Variants in ZNF148 observed in about 807,000 individuals in gnomAD.
ZNF148 encodes Beta-Enolase Repressor Factor-1.
Under a neutral mutation model 67.7 loss-of-function variants are expected in ZNF148, and 7 were observed. That is an observed-to-expected ratio of 0.10 (90% confidence interval 0.06 to 0.19). The LOEUF (loss-of-function observed/expected upper bound fraction) is 0.19, where lower values mean the gene tolerates loss of function less well. Among genes scored for constraint, ZNF148 ranks in the 10% least tolerant of loss-of-function variants. The pLI is 1.00. For synonymous variants in ZNF148, 333 were observed against 330.7 expected (o/e 1.01, Z -0.08); for missense variants, 583 against 947.1 (o/e 0.62, Z 5.05).
chr3:125,292,892 T>C (rs1232002363), intron 4 of ZNF148: 1 of 152,218 alleles, frequency 6.6e-6, no homozygotes, highest in East Asian at 1.9e-4. Context: ...TAAAATGTGA[T>C]ATCATCACAG....
chr3:125,242,656 A>G (rs1936420513), intron 7 of ZNF148, among the ~76,000 whole-genome samples: 1 of 152,182 alleles, frequency 6.6e-6, no homozygotes, highest in Non-Finnish European at 1.5e-5. Context: ...AAAAACAAAA[A>G]TGAAAAACAA....
chr3:125,360,872 T>G (rs192971167), intron 1 of ZNF148, among the ~76,000 whole-genome samples: 1 of 148,424 alleles, frequency 6.7e-6, no homozygotes, highest in East Asian at 2.0e-4. Context: ...TATACATATA[T>G]ATAGAAAAGA....
chr3:125,268,920 T>C (rs1403403561), intron 7 of ZNF148, among the ~76,000 whole-genome samples: 1 of 152,062 alleles, frequency 6.6e-6, no homozygotes. Flanking sequence ...ACCTACAGAA[T>C]GGGAGAAAAT....
chr3:125,255,096 C>T (rs992045770), intron 7 of ZNF148, among the ~76,000 whole-genome samples: 6 of 151,984 alleles, frequency 3.9e-5, no homozygotes, highest in Non-Finnish European at 8.8e-5. Context: ...TCCATTTACC[C>T]GCCTCACTAT....
At chr3:125,331,041 A>G (rs1941268728) in intron 2 of ZNF148, 117 bp downstream of exon 2, 2 of 396,396 alleles carry the variant, frequency 5.0e-6, no homozygotes, top group Admixed American at 8.8e-5. Flanking sequence ...ATATAAAAAG[A>G]AAAGGGATTG....
At chr3:125,303,853 G>A (rs1350637597) in intron 4 of ZNF148, among the ~76,000 whole-genome samples, 2 of 151,870 alleles carry the variant, frequency 1.3e-5, no homozygotes, top group African/African-American at 2.4e-5. Flanking sequence ...AACGGTTAGG[G>A]GTTGCTGCAT....
intron 4 of ZNF148, among the ~76,000 whole-genome samples, chr3:125,299,989 T>C (rs755419797): frequency 1.3e-5 from 2 of 152,252 alleles, no homozygotes; most frequent in Non-Finnish European, 2.9e-5. Flanking sequence ...TTGTTGTTTC[T>C]GAGGCAGGGT....
At chr3:125,341,910 G>A (rs1941737737) in intron 1 of ZNF148, among the ~76,000 whole-genome samples, 1 of 149,916 alleles carries the variant, frequency 6.7e-6, no homozygotes, top group African/African-American at 2.5e-5. Flanking sequence ...GTAGGGGAAT[G>A]ACTTGAGCCT....
At chr3:125,318,919 C>A (rs1370036318) in intron 3 of ZNF148, among the ~76,000 whole-genome samples, 1 of 152,088 alleles carries the variant, frequency 6.6e-6, no homozygotes. Context: ...CATCCCTCTG[C>A]GAGAGAAACT....
In ZNF148 at chr3:125,229,800, C is replaced by T. The variant is rs1270220673; in HGVS notation, c.*2541G>A. ...AATGCCCAGATAGAAATTAAATAAC[C>T]TTCTGAACCAAAGTGGGGAAATCCA... On this transcript the variant is annotated 3_prime_UTR_variant, in exon 9 of 9. Transcript: ENST00000360647. 2 of 152,176 alleles carry T rather than the reference C, an allele frequency of 1.3e-5. No individual in the cohort carries two copies. Among genetic ancestry groups the T allele is most frequent in the Non-Finnish European group, 2.9e-5 (2 of 68,020 alleles). The allele number at this position is 152,176 out of a possible 1,614,324, so 9.4% of individuals were successfully genotyped here. A position where few individuals can be genotyped will look rare whatever the true frequency, so the allele number is the denominator to read the frequency against.
intron 1 of ZNF148, among the ~76,000 whole-genome samples, chr3:125,365,793 C>G (rs145210194): frequency 3.3e-4 from 50 of 152,284 alleles, no homozygotes; most frequent in African/African-American, 1.1e-3. Flanking sequence ...TGCATTCCAG[C>G]CTGGGCAACA....
Position 125,313,403 on chromosome 3 carries a change from G to C in ZNF148, c.238C>G (p.Leu80Val). The change falls in exon 4 of 9, where the codon CTC becomes GTC. Residue 80 changes from leucine to valine, a missense_variant. Leu to Val is a conservative substitution (Grantham distance 32, BLOSUM62 1). Transcript: ENST00000360647. ...RQQDMISHDE[L>V]MVHEETVKND... ...TTCACTGTCTCCTCATGGACCATGAGTTCATCATGTGATATCATATCCTGT... is the reference window on the plus strand; with the variant it reads ...TTCACTGTCTCCTCATGGACCATGACTTCATCATGTGATATCATATCCTGT... The C allele has an allele frequency of 6.2e-7, 1 of 1,614,082 alleles. No homozygotes were observed. The highest frequency in any genetic ancestry group is 8.5e-7 in the Non-Finnish European group (1 of 1,180,002).
At chr3:125,255,614 C>A (rs568701491) in intron 7 of ZNF148, among the ~76,000 whole-genome samples, 3 of 151,778 alleles carry the variant, frequency 2.0e-5, no homozygotes, top group African/African-American at 4.8e-5. Context: ...ACTATGGTTT[C>A]TTTTAGTGTG....
At chr3:125,302,383 A>T (rs187879171) in intron 4 of ZNF148, among the ~76,000 whole-genome samples, 1 of 152,004 alleles carries the variant, frequency 6.6e-6, no homozygotes, top group African/African-American at 2.4e-5. Context: ...GTCTCAAAAA[A>T]AAAAAAGAAA....
At chr3:125,316,518 G>A (rs1940501267) in intron 3 of ZNF148, among the ~76,000 whole-genome samples, 1 of 152,148 alleles carries the variant, frequency 6.6e-6, no homozygotes, top group African/African-American at 2.4e-5. Context: ...GTAATTGCCT[G>A]TCTTTTGGAT....
chr3:125,286,956 C>G (rs1938693642), intron 5 of ZNF148, among the ~76,000 whole-genome samples: 1 of 152,146 alleles, frequency 6.6e-6, no homozygotes, highest in Non-Finnish European at 1.5e-5. Flanking sequence ...TAACCACCAA[C>G]TAAGGAATCA....
In ZNF148 at chr3:125,365,835, A is replaced by G. The variant is rs1263952719; in HGVS notation, c.-234+9267T>C. Among the ~76,000 whole-genome samples, 3 of 152,190 alleles carry G rather than the reference A, an allele frequency of 2.0e-5. No individual in the cohort carries two copies. In the East Asian group the frequency reaches 5.8e-4, roughly 29 times the overall value. On this transcript the variant is annotated intron_variant, in intron 1 of 8. Transcript: ENST00000360647. The stretch of plus-strand genomic sequence containing the variant: ...GAGCCTCACGTTCGTTCATTCAATA[A>G]TAAATAAATAAATAGCATATTTCTA...
Position 125,313,094 on chromosome 3 carries a change from T to C in ZNF148, c.333+214A>G, listed in dbSNP as rs115977065. Among the ~76,000 whole-genome samples, 735 of 152,268 alleles carry C rather than the reference T, an allele frequency of 4.8e-3. 6 individuals are homozygous for C. Among genetic ancestry groups the C allele is most frequent in the African/African-American group, 0.017 (701 of 41,556 alleles). ...TTAATACCAAAATAATCCTGAGAAA[T>C]ATTGTTATCCTGAAAGAAATAAGCT... On this transcript the variant is annotated intron_variant, in intron 4 of 8. Transcript: ENST00000360647.
chr3:125,239,748 A>C (rs553863776), intron 7 of ZNF148, among the ~76,000 whole-genome samples: 1 of 152,200 alleles, frequency 6.6e-6, no homozygotes, highest in Non-Finnish European at 1.5e-5. Flanking sequence ...CCAAAAGAGG[A>C]AACGGCCCAA....
Sources: allele counts gnomAD v4.1 joint callset (sites outside exome capture counted in the v4.1 genomes callset), GRCh38; gene constraint gnomAD v4.1.1; transcripts MANE v1.5; gene names NCBI Gene and HGNC (gene_info 2026-07-23, HGNC 2026-07-21).